WTAP: variants seen among roughly 807,000 people sequenced by gnomAD.
The protein encoded by WTAP is pre-mRNA-splicing regulator WTAP.
In WTAP, 8 loss-of-function variants were observed where a neutral mutation model predicts 50.0. The ratio of observed to expected loss-of-function variants is 0.16; its 90% CI spans 0.09 to 0.29. The LOEUF is 0.29. WTAP is among the 10% of genes least tolerant of loss of function. The pLI, the probability that WTAP is intolerant of heterozygous loss-of-function variation, is 1.00. For synonymous variants in WTAP, 194 were observed against 169.0 expected, an observed-to-expected ratio of 1.15 and a Z score of -1.15; for missense variants, 295 against 470.7, an observed-to-expected ratio of 0.63 and a Z score of 3.45.
At chr6:159,729,563 T>C (rs552635599) in intron 1 of WTAP, among the ~76,000 whole-genome samples, 1 of 140,540 alleles carries the variant, frequency 7.1e-6, no homozygotes, top group South Asian at 2.3e-4. Context: ...ATTATGTTCA[T>C]ATTTTATTTG....
chr6:159,732,592 T>A (rs1001000545), intron 1 of WTAP, among the ~76,000 whole-genome samples: 1 of 152,178 alleles, frequency 6.6e-6, no homozygotes, highest in Non-Finnish European at 1.5e-5. Context: ...CCCAACACTT[T>A]GGGAGGCCAA....
upstream of WTAP, chr6:159,726,797 G>A (rs1274798529): frequency 2.3e-6 from 3 of 1,289,104 alleles, no homozygotes; most frequent in Admixed American, 4.6e-5. Context: ...CCAGGAGACT[G>A]CGCCTCACGA....
intron 5 of WTAP, chr6:159,745,176 T>C (rs1031316573): frequency 2.6e-5 from 4 of 152,224 alleles, no homozygotes; most frequent in African/African-American, 9.6e-5. Context: ...TAGAAGGTGT[T>C]GATGGTAATA....
At chr6:159,743,814 A>C in intron 5 of WTAP, 22 bp downstream of exon 5, 1 of 1,582,034 alleles carries the variant, frequency 6.3e-7, no homozygotes, top group Non-Finnish European at 8.6e-7. Context: ...AAGTTATATA[A>C]ATGTCTTTAG....
chr6:159,736,105 C>T (rs1288803200), intron 1 of WTAP, among the ~76,000 whole-genome samples, 153 bp from the exon 2 acceptor site: 2 of 152,088 alleles, frequency 1.3e-5, no homozygotes, highest in Non-Finnish European at 2.9e-5. Context: ...TTTTGTAAAT[C>T]TAAAACTATT....
intron 2 of WTAP, among the ~76,000 whole-genome samples, chr6:159,737,392 A>G (rs1353795724): frequency 3.3e-5 from 5 of 152,200 alleles, no homozygotes; most frequent in Non-Finnish European, 7.3e-5. Context: ...GTTCCATTTT[A>G]TGGTAATACT....
intron 6 of WTAP, among the ~76,000 whole-genome samples, chr6:159,751,489 A>C (rs1250698322): frequency 3.3e-5 from 5 of 152,220 alleles, no homozygotes; most frequent in Admixed American, 1.3e-4. Flanking sequence ...AATCTTGCAT[A>C]TCTCTCATTT....
At chr6:159,742,318 GTC>G (rs1459533518) in intron 4 of WTAP, among the ~76,000 whole-genome samples, 172 bp downstream of exon 4, 1 of 152,194 alleles carries the variant, frequency 6.6e-6, no homozygotes, top group Non-Finnish European at 1.5e-5. Context: ...ATGAGACACA[GTC>G]TCAGTCATTG....
chr6:159,750,748 T>C (rs1213098715), intron 6 of WTAP, among the ~76,000 whole-genome samples: 4 of 151,992 alleles, frequency 2.6e-5, no homozygotes, highest in African/African-American at 9.7e-5. Flanking sequence ...GAATCACTTA[T>C]AAATGGATTT....
intron 3 of WTAP, among the ~76,000 whole-genome samples, chr6:159,739,681 A>G (rs1460807210): frequency 1.3e-5 from 2 of 152,234 alleles, no homozygotes; most frequent in Non-Finnish European, 1.5e-5. Context: ...TAAAAATAAA[A>G]TAAGTATTTT....
chr6:159,753,231 G>C (rs1273788477), intron 6 of WTAP: 2 of 538,952 alleles, frequency 3.7e-6, no homozygotes, highest in Non-Finnish European at 6.6e-6. Flanking sequence ...TAGAAACAAG[G>C]TGTAGCTGTT....
chr6:159,742,686 T>C (rs1241952296), intron 4 of WTAP, among the ~76,000 whole-genome samples: 1 of 152,210 alleles, frequency 6.6e-6, no homozygotes, highest in African/African-American at 2.4e-5. Flanking sequence ...ATATATTGTT[T>C]TGTAACTTCA....
Position 159,727,719 on chromosome 6 carries a change from C to T in WTAP, c.-9+16C>T. On this transcript the variant is annotated intron_variant, in intron 1 of 7. Transcript: ENST00000621533. ...GCCTGGAGAGGTAGGCGCGGGCCGG[C>T]TGGCGGGAGCGGACGCGGGGGACCT... The T allele has an allele frequency of 1.0e-6, 1 of 985,368 alleles. No individual in the cohort carries two copies. The highest frequency in any genetic ancestry group is 1.2e-6 in the Non-Finnish European group (1 of 830,036). 61.0% of individuals were successfully genotyped at this position (985,368 alleles called of 1,614,324 possible). A position where few individuals can be genotyped will look rare whatever the true frequency, so the allele number is the denominator to read the frequency against.
upstream of WTAP, chr6:159,726,694 T>G: frequency 8.7e-7 from 1 of 1,149,390 alleles, no homozygotes. Context: ...CAAGGGGCCC[T>G]CAACGCCGCG....
intron 1 of WTAP, among the ~76,000 whole-genome samples, chr6:159,735,312 T>A (rs899045613): frequency 6.6e-6 from 1 of 152,178 alleles, no homozygotes; most frequent in African/African-American, 2.4e-5. Flanking sequence ...CTAATTTTTT[T>A]AATTTTTTGG....
At position 159,746,459 on chromosome 6, in the gene WTAP, T is replaced by C. The variant is rs375556480; in HGVS notation, c.274-1732T>C. ...AGCTAAGCTTAGAAAAAATAAAATA[T>C]ACATCCTTAGGAATCTATTTGTGTA... On this transcript the variant is annotated intron_variant, in intron 5 of 7. Coordinates refer to ENST00000621533, the MANE Select transcript of WTAP (RefSeq NM_001270531.2). Among the ~76,000 whole-genome samples, 8 of 152,286 alleles carry C rather than the reference T, an allele frequency of 5.3e-5. No individual in the cohort carries two copies. The East Asian group carries it at 5.8e-4, about 11-fold the overall frequency.
intron 1 of WTAP, 38 bp from the exon 2 acceptor site, chr6:159,736,220 A>G: frequency 6.3e-7 from 1 of 1,575,848 alleles, no homozygotes; most frequent in Non-Finnish European, 8.6e-7. Context: ...ACTGGAAGAA[A>G]ATAAATTGAA....
At chr6:159,745,925 AAAAT>A (rs1372795705) in intron 5 of WTAP, among the ~76,000 whole-genome samples, 2 of 152,166 alleles carry the variant, frequency 1.3e-5, no homozygotes, top group Non-Finnish European at 2.9e-5. Flanking sequence ...AGGAATGAAA[AAAAT>A]CTAGGGAGGA....
chr6:159,748,510 A>G lies in WTAP; in HGVS notation c.452+141A>G, dbSNP rs1487425858. 2 of 1,444,954 alleles carry G rather than the reference A, an allele frequency of 1.4e-6. No individual in the cohort carries two copies. Among genetic ancestry groups the G allele is most frequent in the Admixed American group, 2.8e-5 (1 of 35,478 alleles). The allele number at this position is 1,444,954 out of a possible 1,614,324, so 89.5% of individuals were successfully genotyped here. A position where few individuals can be genotyped will look rare whatever the true frequency, so the allele number is the denominator to read the frequency against. On this transcript the variant is annotated intron_variant, in intron 6 of 7. Transcript: ENST00000621533. The surrounding 1 kb of genome is among the most constrained non-coding windows in gnomAD (Gnocchi z 5.6). ...AAAAAGCCACATTCTTACACTGTCC[A>G]GCTTGTAATGGTTAATGTAAAACTT...
Sources: gnomAD v4.1 joint callset for allele counts (sites outside exome capture counted in the v4.1 genomes callset) on GRCh38, gnomAD v4.1.1 for gene constraint, Gnocchi (gnomAD v3.1) non-coding constraint, MANE v1.5 for transcripts, NCBI Gene and HGNC (gene_info 2026-07-23, HGNC 2026-07-21) for gene names.